RHEX: variants seen among roughly 807,000 people sequenced by gnomAD.
The protein encoded by RHEX is regulator of hemoglobinization and erythroid cell expansion.
RHEX carries 18 observed loss-of-function variants against 20.1 expected under a neutral mutation model. That is an observed-to-expected ratio of 0.90 (90% CI 0.62 to 1.33). The LOEUF (loss-of-function observed/expected upper bound fraction) is 1.33, where lower values mean the gene tolerates loss of function less well. Among genes scored for constraint, RHEX ranks in the 40% most tolerant of loss-of-function variants. The pLI, the probability that RHEX is intolerant of heterozygous loss-of-function variation, is 0.00. For synonymous variants in RHEX, 87 were observed against 77.1 expected, an observed-to-expected ratio of 1.13 and a Z score of -0.67; for missense variants, 192 against 214.3, an observed-to-expected ratio of 0.90 and a Z score of 0.65.
Position 206,101,176 on chromosome 1 carries a change from C to T in RHEX, c.297C>T (p.Cys99=). The change falls in exon 5 of 6, where the codon TGC becomes TGT. Residue 99 remains cysteine (C), a synonymous_variant. Coordinates refer to ENST00000331555, the MANE Select transcript of RHEX (RefSeq NM_001007544.4). The stretch of plus-strand genomic sequence containing the variant: ...CCTCAGATAGCTTGGATAGCTCCTG[C>T]AGTTCGCCTCCTGCCTGCCAGGTAA... ...DTPSDSLDSS[C]SSPPACQATE... The T allele has an allele frequency of 2.5e-6, 4 of 1,612,834 alleles. No individual in the cohort carries two copies. Among genetic ancestry groups the T allele is most frequent in the Non-Finnish European group, 3.4e-6 (4 of 1,179,472 alleles).
At chr1:206,060,215 T>C (rs1441228223) in intron 1 of RHEX, among the ~76,000 whole-genome samples, 1 of 152,196 alleles carries the variant, frequency 6.6e-6, no homozygotes, top group Non-Finnish European at 1.5e-5. Context: ...GAATAATGAT[T>C]GTTCCTATCT....
At chr1:206,080,046 T>C (rs1553285666) in intron 1 of RHEX, among the ~76,000 whole-genome samples, 1 of 152,218 alleles carries the variant, frequency 6.6e-6, no homozygotes, top group Non-Finnish European at 1.5e-5. Flanking sequence ...TTCAGGATCA[T>C]GGGTTTCATC....
At chr1:206,099,875 C>T in intron 4 of RHEX, 77 bp downstream of exon 4, 1 of 1,405,452 alleles carries the variant, frequency 7.1e-7, no homozygotes, top group Non-Finnish European at 9.9e-7. Flanking sequence ...CTCCCTGCAG[C>T]AACCCCATGG....
chr1:206,081,720 C>T (rs1662739852), intron 1 of RHEX, among the ~76,000 whole-genome samples: 1 of 152,190 alleles, frequency 6.6e-6, no homozygotes, highest in African/African-American at 2.4e-5. Flanking sequence ...AGATCTTTAA[C>T]AATCCTATGA....
intron 1 of RHEX, among the ~76,000 whole-genome samples, chr1:206,084,283 T>G (rs1214152709): frequency 2.0e-5 from 3 of 152,156 alleles, no homozygotes; most frequent in African/African-American, 7.2e-5. Flanking sequence ...CATGCCAGCA[T>G]CTGGACAAGG....
At chr1:206,064,368 T>C (rs1205307614) in intron 1 of RHEX, among the ~76,000 whole-genome samples, 19 of 104,222 alleles carry the variant, frequency 1.8e-4, no homozygotes, top group South Asian at 8.2e-4. Context: ...CCTAGCCAGC[T>C]GCCCCGTCCG....
Position 206,087,076 on chromosome 1 carries a change from G to A in RHEX, c.-96-10657G>A, listed in dbSNP as rs184396874. ...CAGATATAACCCTGAAGCTGGAAAA[G>A]TAAAGCAACTCACAGCTAGGAAGGC... is the stretch of plus-strand genomic sequence containing the variant. On this transcript the variant is annotated intron_variant, in intron 1 of 5. Coordinates refer to ENST00000331555, the MANE Select transcript of RHEX (RefSeq NM_001007544.4). 8.1e-4 allele frequency among the ~76,000 whole-genome samples: 124 copies of A among 152,262 alleles called. 1 individual carries two copies. The highest frequency in any genetic ancestry group is 4.9e-4 in the Non-Finnish European group (33 of 68,020).
At chr1:206,056,236 T>C (rs1662192698) in intron 1 of RHEX, 1 of 151,792 alleles carries the variant, frequency 6.6e-6, no homozygotes, top group Admixed American at 6.6e-5. Flanking sequence ...GACTGGGAGC[T>C]GTACATGGAT....
At chr1:206,094,666 T>C (rs1230599552) in intron 1 of RHEX, among the ~76,000 whole-genome samples, 2 of 152,178 alleles carry the variant, frequency 1.3e-5, no homozygotes, top group African/African-American at 4.8e-5. Context: ...TATTTAAGAA[T>C]GTTGGACGTC....
intron 1 of RHEX, among the ~76,000 whole-genome samples, chr1:206,058,901 C>T (rs756652697): frequency 8.4e-4 from 128 of 152,280 alleles, no homozygotes; most frequent in Non-Finnish European, 1.4e-3. Flanking sequence ...GTCTGCGGCT[C>T]GTCCTGCTAC....
At chr1:206,062,427 TC>T (rs1442062841) in intron 1 of RHEX, among the ~76,000 whole-genome samples, 1 of 152,252 alleles carries the variant, frequency 6.6e-6, no homozygotes, top group East Asian at 1.9e-4. Context: ...CTCCTGCCCC[TC>T]CTGAGGCAAA....
intron 1 of RHEX, among the ~76,000 whole-genome samples, chr1:206,083,862 A>G (rs1553286186): frequency 6.6e-6 from 1 of 152,162 alleles, no homozygotes; most frequent in African/African-American, 2.4e-5. Flanking sequence ...ATCTGTCTAC[A>G]CTAGCAACAG....
chr1:206,062,885 G>A (rs1553283512), intron 1 of RHEX, among the ~76,000 whole-genome samples: 3 of 152,140 alleles, frequency 2.0e-5, no homozygotes, highest in African/African-American at 4.8e-5. Flanking sequence ...CTAGGTCCTG[G>A]GAATACAGCA....
At chr1:206,063,677 G>C (rs1553283687) in intron 1 of RHEX, among the ~76,000 whole-genome samples, 1 of 152,282 alleles carries the variant, frequency 6.6e-6, no homozygotes, top group Non-Finnish European at 1.5e-5. Context: ...TGCAGACGGA[G>C]TCTGGTTCAC....
intron 1 of RHEX, among the ~76,000 whole-genome samples, chr1:206,086,349 T>C (rs1005032138): frequency 6.6e-6 from 1 of 152,034 alleles, no homozygotes. Context: ...ATTTTCCTGT[T>C]TTTTTTTCTT....
chr1:206,066,150 C>A (rs1427069542), intron 1 of RHEX, among the ~76,000 whole-genome samples: 1 of 152,366 alleles, frequency 6.6e-6, no homozygotes, highest in Non-Finnish European at 1.5e-5. Context: ...CCCTCCAGAG[C>A]CCTGGTCTTT....
intron 1 of RHEX, among the ~76,000 whole-genome samples, chr1:206,059,315 C>G (rs1470511366): frequency 1.3e-5 from 2 of 152,104 alleles, no homozygotes; most frequent in African/African-American, 4.8e-5. Context: ...AGAAGGGAGA[C>G]AGGGAAAAAG....
At position 206,099,726 on chromosome 1, in the gene RHEX, C is replaced by T. The variant is rs1553288160; in HGVS notation, c.184C>T (p.Pro62Ser). 6.2e-7 allele frequency: 1 copy of T among 1,613,982 alleles called. No homozygotes were observed. The highest frequency in any genetic ancestry group is 1.7e-5 in the Admixed American group (1 of 60,026). The change falls in exon 4 of 6, where the codon CCA becomes TCA. Residue 62 changes from proline to serine, a missense_variant. By Grantham distance (74) the Pro-to-Ser change is moderately conservative. Coordinates refer to ENST00000331555, the MANE Select transcript of RHEX (RefSeq NM_001007544.4). ...CAGGCCCAGCCCTGGCCACCATCATCCACCTGCTGTCAAAGAGATGAAGGA... is the reference window on the plus strand; with the variant it reads ...CAGGCCCAGCCCTGGCCACCATCATTCACCTGCTGTCAAAGAGATGAAGGA... ...VPRPSPGHHH[P>S]PAVKEMKETQ...
chr1:206,070,813 C>G (rs1640591400), intron 1 of RHEX, among the ~76,000 whole-genome samples: 1 of 152,172 alleles, frequency 6.6e-6, no homozygotes, highest in Admixed American at 6.5e-5. Flanking sequence ...TCACCCCTGT[C>G]CTATCAGCCG....
Sources: gnomAD v4.1 joint callset for allele counts (sites outside exome capture counted in the v4.1 genomes callset) on GRCh38, gnomAD v4.1.1 for gene constraint, MANE v1.5 for transcripts, NCBI Gene and HGNC (gene_info 2026-07-23, HGNC 2026-07-21) for gene names.